The following STX7 variants were observed in gnomAD, a reference collection of about 807,000 sequenced individuals.
STX7 encodes the protein syntaxin-7.
In STX7, 34 loss-of-function variants were observed where a neutral mutation model predicts 39.6. The ratio of observed to expected loss-of-function variants is 0.86; its 90% CI spans 0.65 to 1.14. The LOEUF (loss-of-function observed/expected upper bound fraction) is 1.14. Ranked by LOEUF, STX7 falls within the 50% of genes most tolerant of loss-of-function variation. STX7 has a pLI of 0.00. For synonymous variants in STX7, 119 were observed against 99.1 expected (o/e 1.20, Z -1.19); for missense variants, 284 against 310.4 (o/e 0.92, Z 0.64).
At chr6:132,487,545 A>C (rs1775170142) in intron 2 of STX7, among the ~76,000 whole-genome samples, 1 of 152,166 alleles carries the variant, frequency 6.6e-6, no homozygotes, top group Admixed American at 6.5e-5. Flanking sequence ...TAAAACCTAG[A>C]TGATGGGTTA....
chr6:132,486,118 T>A (rs1004932397), intron 2 of STX7, among the ~76,000 whole-genome samples: 3 of 152,230 alleles, frequency 2.0e-5, no homozygotes, highest in Non-Finnish European at 4.4e-5. Flanking sequence ...GTAGATTCCA[T>A]CAGATTTTCT....
rs1227447251 is a variant in STX7 at position 132,450,010 on chromosome 6, G to C, written c.*10748C>G. On this transcript the variant is annotated 3_prime_UTR_variant, in exon 10 of 10. Coordinates refer to ENST00000367941, the MANE Select transcript of STX7 (RefSeq NM_003569.3). Reference sequence around the variant, plus strand: ...TACTTTAATGCTTTAAAGCATTCCTGGTTTTATGAAGGAATCTTAGGTTCA... The same window carrying C: ...TACTTTAATGCTTTAAAGCATTCCTCGTTTTATGAAGGAATCTTAGGTTCA... 6.6e-6 allele frequency: 1 copy of C among 152,116 alleles called. No homozygotes were observed. The highest frequency in any genetic ancestry group is 2.4e-5 in the African/African-American group (1 of 41,414). The allele number at this position is 152,116 out of a possible 1,614,324, so 9.4% of individuals were successfully genotyped here. A position where few individuals can be genotyped will look rare whatever the true frequency, so the allele number is the denominator to read the frequency against.
chr6:132,460,663 C>T lies in STX7; in HGVS notation c.*95G>A, dbSNP rs192674696. 1.4e-3 allele frequency: 1,392 copies of T among 1,010,358 alleles called. 9 individuals carry two copies. In the African/African-American group the frequency reaches 0.02, roughly 14 times the overall value. 62.6% of individuals were successfully genotyped at this position (1,010,358 alleles called of 1,614,324 possible). On this transcript the variant is annotated 3_prime_UTR_variant, in exon 10 of 10. Coordinates refer to ENST00000367941, the MANE Select transcript of STX7 (RefSeq NM_003569.3). ...CAAAGTATGGGAACCATCCTTTATA[C>T]AATAGCTTTAAAATAATAATTAAAA...
intron 1 of STX7, among the ~76,000 whole-genome samples, chr6:132,511,276 C>T (rs910533933): frequency 6.6e-6 from 1 of 152,230 alleles, no homozygotes; most frequent in Non-Finnish European, 1.5e-5. Flanking sequence ...AGGCTTCTTG[C>T]TGCCTTGGGC....
intron 1 of STX7, among the ~76,000 whole-genome samples, chr6:132,511,976 CTG>C (rs1205790752): frequency 6.6e-6 from 1 of 152,136 alleles, no homozygotes; most frequent in Non-Finnish European, 1.5e-5. Context: ...TCTACAGAAA[CTG>C]TGAAGTTAAG....
In STX7 at chr6:132,458,428, C is replaced by T. The variant is rs1314145081; in HGVS notation, c.*2330G>A. ...TTAACGACCAATAAACAGCCAAATA[C>T]CTAATGCCACATTGTCGTTCAATTT... On this transcript the variant is annotated 3_prime_UTR_variant, in exon 10 of 10. Transcript: ENST00000367941. 2 of 152,188 alleles carry T rather than the reference C, an allele frequency of 1.3e-5. No homozygotes were observed. The highest frequency in any genetic ancestry group is 4.8e-5 in the African/African-American group (2 of 41,448). The allele number at this position is 152,188 out of a possible 1,614,324, so 9.4% of individuals were successfully genotyped here. A position where few individuals can be genotyped will look rare whatever the true frequency, so the allele number is the denominator to read the frequency against.
chr6:132,494,951 G>A (rs1040848262), intron 2 of STX7, among the ~76,000 whole-genome samples: 2 of 152,094 alleles, frequency 1.3e-5, no homozygotes, highest in African/African-American at 2.4e-5. Context: ...GAGCATATGT[G>A]GTAATGGCAG....
Position 132,503,521 on chromosome 6 carries a change from T to A in STX7, c.10A>T (p.Thr4Ser), listed in dbSNP as rs752794991. The change falls in exon 2 of 10, where the codon ACT becomes TCT. Residue 4 changes from threonine (T) to serine (S), a missense_variant. Coordinates refer to ENST00000367941, the MANE Select transcript of STX7 (RefSeq NM_003569.3). ...GCGGGGTCACCACCAACTCCTGGAG[T>A]GTAAGACATGGTTGATGTTCTTATT... MSYTPGVGGDPAQL... is the reference protein window; with the variant it reads MSYSPGVGGDPAQL... The A allele has an allele frequency of 6.2e-7, 1 of 1,613,750 alleles. No individual in the cohort carries two copies. Among genetic ancestry groups the A allele is most frequent in the East Asian group, 2.2e-5 (1 of 44,866 alleles).
intron 2 of STX7, among the ~76,000 whole-genome samples, chr6:132,497,429 G>A (rs1382748334): frequency 1.3e-5 from 2 of 152,210 alleles, no homozygotes; most frequent in Non-Finnish European, 2.9e-5. Context: ...GTAAGCACAA[G>A]AAGGTTTTAG....
intron 1 of STX7, among the ~76,000 whole-genome samples, chr6:132,509,457 C>A (rs9385611): frequency 0.49 from 8,685 of 17,776 alleles, 2,072 homozygotes; most frequent in East Asian, 0.61. Flanking sequence ...CTCAAAATAA[C>A]ATAACATAAC....
Position 132,451,710 on chromosome 6 carries a change from A to C in STX7, c.*9048T>G, listed in dbSNP as rs1774139760. The C allele has an allele frequency of 6.6e-6, 1 of 152,210 alleles. No individual in the cohort carries two copies. Among genetic ancestry groups the C allele is most frequent in the African/African-American group, 2.4e-5 (1 of 41,456 alleles). The allele number at this position is 152,210 out of a possible 1,614,324, so 9.4% of individuals were successfully genotyped here. A position where few individuals can be genotyped will look rare whatever the true frequency, so the allele number is the denominator to read the frequency against. The stretch of plus-strand genomic sequence containing the variant: ...AATGGACTAATTCATCTAAAAATAC[A>C]AACTGTCACAACTCAATATGAAATA... On this transcript the variant is annotated 3_prime_UTR_variant, in exon 10 of 10. Coordinates refer to ENST00000367941, the MANE Select transcript of STX7 (RefSeq NM_003569.3).
At chr6:132,461,922 T>C in intron 9 of STX7, 2 of 1,387,842 alleles carry the variant, frequency 1.4e-6, no homozygotes, top group Non-Finnish European at 2.0e-6. Flanking sequence ...AAAATATTTA[T>C]AAAAAGATAC....
intron 4 of STX7, among the ~76,000 whole-genome samples, chr6:132,471,855 T>G (rs984883502): frequency 6.6e-6 from 1 of 152,202 alleles, no homozygotes; most frequent in South Asian, 2.1e-4. Context: ...ATTTTGAGGC[T>G]ATTTTAAAGT....
chr6:132,459,454 G>C lies in STX7; in HGVS notation c.*1304C>G, dbSNP rs1774331435. The stretch of plus-strand genomic sequence containing the variant: ...GAGGTTTCAGGCAGCACAGCACTAA[G>C]TATCAGGTGACCTGTGGTCCCACCA... On this transcript the variant is annotated 3_prime_UTR_variant, in exon 10 of 10. Coordinates refer to ENST00000367941, the MANE Select transcript of STX7 (RefSeq NM_003569.3). 1 of 152,200 alleles carries C rather than the reference G, an allele frequency of 6.6e-6. No individual in the cohort carries two copies. The highest frequency in any genetic ancestry group is 1.5e-5 in the Non-Finnish European group (1 of 68,040). The allele number at this position is 152,200 out of a possible 1,614,324, so 9.4% of individuals were successfully genotyped here.
rs1047438562 is a variant in STX7, at chr6:132,455,025, G to C, written c.*5733C>G. On this transcript the variant is annotated 3_prime_UTR_variant, in exon 10 of 10. Transcript: ENST00000367941. Reference sequence around the variant, plus strand: ...GAACTCAAAACGACCACAGTACCTAGGTTTGAGATAAGAATGAAATAAAAT... The same window carrying C: ...GAACTCAAAACGACCACAGTACCTACGTTTGAGATAAGAATGAAATAAAAT... 1 of 152,064 alleles carries C rather than the reference G, an allele frequency of 6.6e-6. No individual in the cohort carries two copies. Among genetic ancestry groups the C allele is most frequent in the Non-Finnish European group, 1.5e-5 (1 of 67,994 alleles). 9.4% of individuals were successfully genotyped at this position (152,064 alleles called of 1,614,324 possible). A position where few individuals can be genotyped will look rare whatever the true frequency, so the allele number is the denominator to read the frequency against.
At chr6:132,485,372 G>T (rs1775108261) in intron 2 of STX7, among the ~76,000 whole-genome samples, 1 of 152,168 alleles carries the variant, frequency 6.6e-6, no homozygotes, top group African/African-American at 2.4e-5. Context: ...TATCAATAGT[G>T]CATTCCTTTT....
rs141691655 is a variant in STX7, at chr6:132,453,748, T to A, written c.*7010A>T. The A allele has an allele frequency of 2.0e-5, 3 of 151,932 alleles. No homozygotes were observed. Among genetic ancestry groups the A allele is most frequent in the Admixed American group, 2.0e-4 (3 of 15,234 alleles). The allele number at this position is 151,932 out of a possible 1,614,324, so 9.4% of individuals were successfully genotyped here. A position where few individuals can be genotyped will look rare whatever the true frequency, so the allele number is the denominator to read the frequency against. ...GCAATGAGCTGTCACTATACACTTA[T>A]CAGAATGACTAAAATAAAAAAGAGA... On this transcript the variant is annotated 3_prime_UTR_variant, in exon 10 of 10. Transcript: ENST00000367941.
chr6:132,510,658 C>T (rs1401360347), intron 1 of STX7, among the ~76,000 whole-genome samples: 1 of 152,194 alleles, frequency 6.6e-6, no homozygotes, highest in Non-Finnish European at 1.5e-5. Flanking sequence ...GCAGCTTGGA[C>T]AGCTCATTCA....
Position 132,451,420 on chromosome 6 carries a change from T to C in STX7, c.*9338A>G, listed in dbSNP as rs1235424282. 1 of 152,070 alleles carries C rather than the reference T, an allele frequency of 6.6e-6. No individual in the cohort carries two copies. The highest frequency in any genetic ancestry group is 1.5e-5 in the Non-Finnish European group (1 of 68,016). The allele number at this position is 152,070 out of a possible 1,614,324, so 9.4% of individuals were successfully genotyped here. ...TGGAAGTGGCAGAACAATTTTCAAG[T>C]GCTGAAAGAAAAGAACTATAAACCT... On this transcript the variant is annotated 3_prime_UTR_variant, in exon 10 of 10. Transcript: ENST00000367941.
Sources: allele counts gnomAD v4.1 joint callset (sites outside exome capture counted in the v4.1 genomes callset), GRCh38; gene constraint gnomAD v4.1.1; transcripts MANE v1.5; gene names NCBI Gene and HGNC (gene_info 2026-07-23, HGNC 2026-07-21).